Variants in PTPN7 observed in about 807,000 individuals in gnomAD.
PTPN7 encodes the protein tyrosine-protein phosphatase non-receptor type 7.
Under a neutral mutation model 50.3 loss-of-function variants are expected in PTPN7, and 33 were observed. That is an observed-to-expected ratio of 0.66 (90% CI 0.50 to 0.88). The LOEUF (loss-of-function observed/expected upper bound fraction) is 0.88, where lower values mean the gene tolerates loss of function less well. Among genes scored for constraint, PTPN7 ranks in the 40% least tolerant of loss-of-function variants. The probability of loss-of-function intolerance (pLI) is 0.00; values close to 1 mark genes in which losing one functional copy is unlikely to be tolerated. For synonymous variants in PTPN7, 185 were observed against 186.6 expected, an observed-to-expected ratio of 0.99 and a Z score of 0.07; for missense variants, 412 against 475.4, an observed-to-expected ratio of 0.87 and a Z score of 1.24.
intron 7 of PTPN7, 98 bp from the exon 8 acceptor site, chr1:202,152,797 T>C (rs1656182499): frequency 7.2e-7 from 1 of 1,383,914 alleles, no homozygotes. Context: ...GGAATTACCC[T>C]GTGGGGGGGT....
intron 4 of PTPN7, 60 bp from the exon 5 acceptor site, chr1:202,155,669 A>C: frequency 8.9e-5 from 126 of 1,410,926 alleles, no homozygotes; most frequent in Non-Finnish European, 1.1e-4. Flanking sequence ...ACACAGACTC[A>C]AGCAGGGTCA....
intron 4 of PTPN7, among the ~76,000 whole-genome samples, 177 bp from the exon 5 acceptor site, chr1:202,155,786 G>T (rs190157976): frequency 2.0e-5 from 3 of 152,150 alleles, no homozygotes; most frequent in African/African-American, 7.2e-5. Context: ...TAGAGACAGG[G>T]TCTCATTCTG....
chr1:202,160,649 G>A (rs776379248), upstream of PTPN7: 150 of 1,550,478 alleles, frequency 9.7e-5, no homozygotes, highest in Middle Eastern at 1.7e-4. This position sits in a 1 kb window ranked among gnomAD's most constrained non-coding sequence, Gnocchi z 4.8. Context: ...TCCTCCCTCC[G>A]CCCCTCCTTG....
chr1:202,158,962 GA>G, intron 2 of PTPN7: 1 of 361,174 alleles, frequency 2.8e-6, no homozygotes, highest in Non-Finnish European at 5.2e-6. Flanking sequence ...GGGCAGCCTT[GA>G]ACTCAACTGC....
chr1:202,153,009 A>G (rs984343809), intron 7 of PTPN7, among the ~76,000 whole-genome samples: 2 of 152,214 alleles, frequency 1.3e-5, no homozygotes, highest in African/African-American at 4.8e-5. Context: ...GAACAGTGAT[A>G]TCTTACTGGT....
chr1:202,161,389 A>G, upstream of PTPN7: 1 of 1,276,026 alleles, frequency 7.8e-7, no homozygotes, highest in Non-Finnish European at 1.0e-6. Flanking sequence ...AGACTTACAG[A>G]CAGTGGACAG....
chr1:202,159,130 A>G lies in PTPN7; in HGVS notation c.122+151T>C. 1.4e-6 allele frequency: 1 copy of G among 700,364 alleles called. No individual in the cohort carries two copies. The highest frequency in any genetic ancestry group is 2.5e-6 in the Non-Finnish European group (1 of 405,298). 43.4% of individuals were successfully genotyped at this position (700,364 alleles called of 1,614,324 possible). ...CTCCAGACATGCAAAAGACATGCAA[A>G]TGAGCACTACTGGTTTCCTTTCCAA... On this transcript the variant is annotated intron_variant, in intron 2 of 9. Transcript: ENST00000691036. The surrounding 1 kb of genome is among the most constrained non-coding windows in gnomAD (Gnocchi z 4.6).
In PTPN7 at chr1:202,155,524, G is replaced by A. The variant is rs760479857; in HGVS notation, c.468+9C>T. The A allele has an allele frequency of 1.3e-6, 2 of 1,538,434 alleles. No individual in the cohort carries two copies. The highest frequency in any genetic ancestry group is 1.7e-5 in the Admixed American group (1 of 59,860). On this transcript the variant is annotated intron_variant, in intron 5 of 9. Coordinates refer to ENST00000691036, the MANE Select transcript of PTPN7 (RefSeq NM_002832.4). ...ATTCCCCGCCCACCACTGCAGCCAG[G>A]CCACTCACTCGGATGTAGTTGGCAT...
At chr1:202,150,188 G>T in intron 9 of PTPN7, 123 bp downstream of exon 9, 1 of 764,508 alleles carries the variant, frequency 1.3e-6, no homozygotes, top group Non-Finnish European at 2.2e-6. Context: ...GCTCTAAGCA[G>T]AAAGGGTTTC....
chr1:202,159,810 A>C lies in PTPN7; in HGVS notation c.-52-356T>G, dbSNP rs377470398. ...AGGAAACAGAAAATATGTGTTCTCT[A>C]GGACGGAAGGGAGAAAGCACGCAGA... On this transcript the variant is annotated intron_variant, in intron 1 of 9. Transcript: ENST00000691036. This position sits in a 1 kb window ranked among gnomAD's most constrained non-coding sequence, Gnocchi z 4.6. 1.7e-6 allele frequency: 2 copies of C among 1,159,942 alleles called. No homozygotes were observed. Among genetic ancestry groups the C allele is most frequent in the East Asian group, 4.1e-5 (1 of 24,222 alleles). 71.9% of individuals were successfully genotyped at this position (1,159,942 alleles called of 1,614,324 possible).
intron 8 of PTPN7, among the ~76,000 whole-genome samples, chr1:202,151,629 T>A (rs1382179831): frequency 6.6e-6 from 1 of 152,208 alleles, no homozygotes; most frequent in Non-Finnish European, 1.5e-5. Flanking sequence ...GCAATTCTCC[T>A]GCCTCAGCCT....
Position 202,160,466 on chromosome 1 carries a change from CT to C in PTPN7, c.-53+78del. On this transcript the variant is annotated intron_variant, in intron 1 of 9. Coordinates refer to ENST00000691036, the MANE Select transcript of PTPN7 (RefSeq NM_002832.4). This position sits in a 1 kb window ranked among gnomAD's most constrained non-coding sequence, Gnocchi z 4.8. ...CCCACTCGCCCTCCCGCACTCCCTC[CT>C]AGAGATGCCCTCTTATATCCCCGGA... is the stretch of plus-strand genomic sequence containing the variant. 7.1e-7 allele frequency: 1 copy of C among 1,415,358 alleles called. No homozygotes were observed. The highest frequency in any genetic ancestry group is 2.5e-5 in the East Asian group (1 of 40,026). The allele number at this position is 1,415,358 out of a possible 1,614,324, so 87.7% of individuals were successfully genotyped here. A position where few individuals can be genotyped will look rare whatever the true frequency, so the allele number is the denominator to read the frequency against.
chr1:202,159,176 GC>G lies in PTPN7; in HGVS notation c.122+104del, dbSNP rs1259343995. The G allele has an allele frequency of 2.7e-6, 3 of 1,118,326 alleles. No homozygotes were observed. The highest frequency in any genetic ancestry group is 3.9e-6 in the Non-Finnish European group (3 of 761,972). The allele number at this position is 1,118,326 out of a possible 1,614,324, so 69.3% of individuals were successfully genotyped here. Reference sequence around the variant, plus strand: ...TCCAAATTGGAGTCAACAACTGAGGGCCCTCTGGACCCTGCTGTCAGAGCTG... The same window carrying G: ...TCCAAATTGGAGTCAACAACTGAGGGCCTCTGGACCCTGCTGTCAGAGCTG... On this transcript the variant is annotated intron_variant, in intron 2 of 9. Coordinates refer to ENST00000691036, the MANE Select transcript of PTPN7 (RefSeq NM_002832.4). The surrounding 1 kb of genome is among the most constrained non-coding windows in gnomAD (Gnocchi z 4.6).
chr1:202,152,470 C>A, intron 8 of PTPN7, 72 bp downstream of exon 8: 1 of 1,538,582 alleles, frequency 6.5e-7, no homozygotes, highest in African/African-American at 1.4e-5. Context: ...TCAGACCCTT[C>A]CCCAGGAGAG....
upstream of PTPN7, chr1:202,161,519 C>A (rs984925297): frequency 2.3e-6 from 3 of 1,289,522 alleles, no homozygotes; most frequent in Non-Finnish European, 3.0e-6. Flanking sequence ...CCCTGCCTGA[C>A]CTTGGCAGGC....
upstream of PTPN7, chr1:202,161,244 G>A: frequency 8.8e-7 from 1 of 1,135,994 alleles, no homozygotes; most frequent in Non-Finnish European, 1.1e-6. Context: ...GCTCTCCACA[G>A]CCCACGGCCT....
chr1:202,150,400 G>A lies in PTPN7; in HGVS notation c.900C>T (p.Cys300=), dbSNP rs768647166. The A allele has an allele frequency of 7.5e-6, 12 of 1,610,512 alleles. No individual in the cohort carries two copies. In the Admixed American group the frequency reaches 1.2e-4, roughly 16 times the overall value. The part of the protein sequence containing the change: ...HCSAGIGRTG[C]FIATRIGCQQ... ...GACAGCCAATTCGCGTGGCGATGAAGCAGCCCGTCCGGCCAATCCCTGCAC... is the reference window on the plus strand; with the variant it reads ...GACAGCCAATTCGCGTGGCGATGAAACAGCCCGTCCGGCCAATCCCTGCAC... Residue 300 remains cysteine (C), a synonymous_variant, in exon 9 of 10, where the codon TGC becomes TGT. Transcript: ENST00000691036.
Position 202,159,911 on chromosome 1 carries a change from G to A in PTPN7, c.-52-457C>T, listed in dbSNP as rs538126715. On this transcript the variant is annotated intron_variant, in intron 1 of 9. Transcript: ENST00000691036. This position sits in a 1 kb window ranked among gnomAD's most constrained non-coding sequence, Gnocchi z 4.6. ...CCTCCAGCAGTGTTGGAGCTGGTTG[G>A]GCAGCCAGGCAGGCGGGCTCCTGGA... The A allele has an allele frequency of 1.7e-5, 17 of 1,011,010 alleles. No homozygotes were observed. In the East Asian group the frequency reaches 1.3e-3, roughly 77 times the overall value. The allele number at this position is 1,011,010 out of a possible 1,614,324, so 62.6% of individuals were successfully genotyped here. A position where few individuals can be genotyped will look rare whatever the true frequency, so the allele number is the denominator to read the frequency against.
chr1:202,160,873 T>A, upstream of PTPN7: 4 of 1,472,262 alleles, frequency 2.7e-6, no homozygotes, highest in Non-Finnish European at 3.6e-6. This position sits in a 1 kb window ranked among gnomAD's most constrained non-coding sequence, Gnocchi z 4.8. Flanking sequence ...CTTTGTCACA[T>A]CCAGCCGCTG....
Sources: gnomAD v4.1 joint callset for allele counts (sites outside exome capture counted in the v4.1 genomes callset) on GRCh38, gnomAD v4.1.1 for gene constraint, Gnocchi (gnomAD v3.1) non-coding constraint, MANE v1.5 for transcripts, NCBI Gene and HGNC (gene_info 2026-07-23, HGNC 2026-07-21) for gene names.